TIAM1: variants seen among roughly 807,000 people sequenced by gnomAD.
The protein encoded by TIAM1 is rho guanine nucleotide exchange factor TIAM1.
TIAM1 carries 65 observed loss-of-function variants against 163.5 expected under a neutral mutation model. The ratio of observed to expected loss-of-function variants is 0.40; its 90% CI spans 0.33 to 0.49. The LOEUF is 0.49. Among genes scored for constraint, TIAM1 ranks in the 20% least tolerant of loss-of-function variants. The pLI is 0.77. For synonymous variants in TIAM1, 833 were observed against 810.1 expected (o/e 1.03, Z -0.48); for missense variants, 1,789 against 2,044.7 (o/e 0.87, Z 2.41).
chr21:31,124,731 G>A (rs183907281), intron 26 of TIAM1, 37 bp from the exon 27 acceptor site: 1 of 1,506,782 alleles, frequency 6.6e-7, no homozygotes, highest in East Asian at 2.3e-5. Flanking sequence ...AGAGAATCAG[G>A]GCTTAACACA....
chr21:31,181,044 G>C (rs1314544885), intron 15 of TIAM1, among the ~76,000 whole-genome samples: 1 of 152,206 alleles, frequency 6.6e-6, no homozygotes, highest in Non-Finnish European at 1.5e-5. Flanking sequence ...TTCCATTTCA[G>C]ATTTTGAACA....
chr21:31,402,612 A>G (rs912110873), intron 2 of TIAM1, among the ~76,000 whole-genome samples: 1 of 152,084 alleles, frequency 6.6e-6, no homozygotes, highest in Non-Finnish European at 1.5e-5. Context: ...AAAGATCCCA[A>G]GAACATAGTA....
At chr21:31,255,260 G>GT (rs1449245910) in intron 4 of TIAM1, among the ~76,000 whole-genome samples, 2 of 152,164 alleles carry the variant, frequency 1.3e-5, no homozygotes, top group Non-Finnish European at 2.9e-5. Context: ...TCCTTAAGTG[G>GT]TTATTCAGGC....
chr21:31,168,431 C>T (rs553589061), intron 15 of TIAM1, among the ~76,000 whole-genome samples: 2 of 151,864 alleles, frequency 1.3e-5, no homozygotes, highest in South Asian at 4.2e-4. Context: ...GATGGAGTCT[C>T]GCTCTGTGGC....
At chr21:31,476,145 GATTT>G (rs2147385012) in intron 1 of TIAM1, among the ~76,000 whole-genome samples, 1 of 152,294 alleles carries the variant, frequency 6.6e-6, no homozygotes, top group African/African-American at 2.4e-5. Flanking sequence ...TTGGCAGGGC[GATTT>G]ATTTTTGTTG....
chr21:31,138,797 C>T (rs1360687561), intron 22 of TIAM1, among the ~76,000 whole-genome samples: 1 of 152,240 alleles, frequency 6.6e-6, no homozygotes, highest in Non-Finnish European at 1.5e-5. Context: ...GTAAAACCAA[C>T]TGCCTTGGAG....
At chr21:31,174,522 T>C (rs958091058) in intron 15 of TIAM1, among the ~76,000 whole-genome samples, 3 of 152,220 alleles carry the variant, frequency 2.0e-5, no homozygotes, top group South Asian at 2.1e-4. Flanking sequence ...TAACATGCCA[T>C]AGGCCTGCTG....
chr21:31,377,279 A>G (rs188342227), intron 2 of TIAM1, among the ~76,000 whole-genome samples: 24 of 150,710 alleles, frequency 1.6e-4, no homozygotes, highest in Middle Eastern at 6.8e-3. Flanking sequence ...TCATTTCTGT[A>G]TGGTAAGCCT....
chr21:31,350,143 C>T (rs1458368339), intron 2 of TIAM1, among the ~76,000 whole-genome samples: 1 of 152,134 alleles, frequency 6.6e-6, no homozygotes, highest in Non-Finnish European at 1.5e-5. Context: ...TCACAGAGGG[C>T]TCACCCTCTT....
intron 1 of TIAM1, among the ~76,000 whole-genome samples, chr21:31,510,209 G>A (rs1362627102): frequency 6.6e-6 from 1 of 152,212 alleles, no homozygotes; most frequent in African/African-American, 2.4e-5. Flanking sequence ...CGCGACCAAA[G>A]GGCCAGCAGG....
chr21:31,380,067 A>C (rs2076751687), intron 2 of TIAM1, among the ~76,000 whole-genome samples: 1 of 152,168 alleles, frequency 6.6e-6, no homozygotes, highest in African/African-American at 2.4e-5. Context: ...GTTCAAGATC[A>C]GCATGACCAA....
At chr21:31,199,671 T>C (rs930175350) in intron 12 of TIAM1, among the ~76,000 whole-genome samples, 11 of 151,876 alleles carry the variant, frequency 7.2e-5, no homozygotes, top group African/African-American at 2.4e-4. Flanking sequence ...GCTGGAACCA[T>C]AGGCGTGTGC....
At chr21:31,279,526 G>A (rs776503243) in intron 2 of TIAM1, among the ~76,000 whole-genome samples, 3 of 152,194 alleles carry the variant, frequency 2.0e-5, no homozygotes, top group East Asian at 1.9e-4. Flanking sequence ...TGGGAGTCGG[G>A]CTGCACGCAT....
intron 2 of TIAM1, among the ~76,000 whole-genome samples, chr21:31,376,721 T>C (rs2076693802): frequency 6.6e-6 from 1 of 151,644 alleles, no homozygotes; most frequent in South Asian, 2.1e-4. Context: ...CATGTTCAAC[T>C]GGTCTTTAAA....
chr21:31,486,663 G>A (rs898091689), intron 1 of TIAM1, among the ~76,000 whole-genome samples: 4 of 152,320 alleles, frequency 2.6e-5, no homozygotes, highest in East Asian at 1.9e-4. Context: ...TCCTGCATCC[G>A]TCCTCTCCAC....
intron 1 of TIAM1, among the ~76,000 whole-genome samples, chr21:31,516,952 G>A (rs750727113): frequency 6.6e-6 from 1 of 151,052 alleles, no homozygotes; most frequent in Non-Finnish European, 1.5e-5. Context: ...GGGAGGCTGA[G>A]GCAGGAGAAT....
At chr21:31,473,291 G>C (rs140367978) in intron 1 of TIAM1, among the ~76,000 whole-genome samples, 5 of 151,866 alleles carry the variant, frequency 3.3e-5, no homozygotes, top group African/African-American at 1.2e-4. Context: ...TTAGCTGGGC[G>C]TGGTGGCGGG....
chr21:31,378,986 A>G (rs1331678884), intron 2 of TIAM1, among the ~76,000 whole-genome samples: 6 of 152,028 alleles, frequency 3.9e-5, no homozygotes, highest in Admixed American at 3.9e-4. Flanking sequence ...TTGTTTTTTC[A>G]ATTGAGATGG....
chr21:31,469,818 C>A (rs1440261479), intron 1 of TIAM1, among the ~76,000 whole-genome samples: 2 of 147,096 alleles, frequency 1.4e-5, no homozygotes, highest in East Asian at 2.0e-4. Context: ...GGTGACAGAG[C>A]GAGACTCCAT....
Sources: allele counts gnomAD v4.1 joint callset (sites outside exome capture counted in the v4.1 genomes callset), GRCh38; gene constraint gnomAD v4.1.1; transcripts MANE v1.5; gene names NCBI Gene and HGNC (gene_info 2026-07-23, HGNC 2026-07-21).